The following DIAPH2 variants were observed in gnomAD, a reference collection of about 807,000 sequenced individuals.
DIAPH2 encodes protein diaphanous homolog 2.
DIAPH2 carries 35 observed loss-of-function variants against 92.7 expected under a neutral mutation model. The observed-to-expected ratio is 0.38, with a 90% confidence interval of 0.29 to 0.50. The LOEUF (loss-of-function observed/expected upper bound fraction) is 0.50. Among genes scored for constraint, DIAPH2 ranks in the 20% least tolerant of loss-of-function variants. The probability of loss-of-function intolerance (pLI) is 0.94; values close to 1 mark genes in which losing one functional copy is unlikely to be tolerated. For synonymous variants in DIAPH2, 301 were observed against 280.4 expected, an observed-to-expected ratio of 1.07 and a Z score of -0.73; for missense variants, 701 against 819.5, an observed-to-expected ratio of 0.86 and a Z score of 1.77.
In DIAPH2 at chrX:97,601,872, A is replaced by G. The variant is rs995891000; in HGVS notation, c.*2555A>G. On this transcript the variant is annotated 3_prime_UTR_variant, in exon 27 of 27. Transcript: ENST00000324765. The stretch of plus-strand genomic sequence containing the variant: ...CTCCCTCCAGAGGCTCTAGAGGAGA[A>G]TCTTTCCTTGCCACGTCCACCTTTT... 8.9e-6 allele frequency: 1 copy of G among 112,194 alleles called. No individual in the cohort carries two copies. The highest frequency in any genetic ancestry group is 1.9e-5 in the Non-Finnish European group (1 of 53,250). 9.2% of individuals were successfully genotyped at this position (112,194 alleles called of 1,213,427 possible).
chrX:97,365,699 T>A (rs1392691616), intron 24 of DIAPH2, among the ~76,000 whole-genome samples: 1 of 109,660 alleles, frequency 9.1e-6, no homozygotes, highest in Non-Finnish European at 1.9e-5. Context: ...TTTTCATTTT[T>A]TTTTTGTTTG....
chrX:97,013,134 T>G (rs926427453), intron 17 of DIAPH2, among the ~76,000 whole-genome samples: 1 of 112,199 alleles, frequency 8.9e-6, no homozygotes, highest in Admixed American at 9.5e-5. Flanking sequence ...ATTCAGTAAT[T>G]AGGATTTCTT....
intron 1 of DIAPH2, among the ~76,000 whole-genome samples, chrX:96,691,982 C>T (rs762980173): frequency 8.9e-6 from 1 of 112,206 alleles, no homozygotes; most frequent in East Asian, 2.8e-4. Flanking sequence ...CATAGACATC[C>T]AGGCTTTAAA....
chrX:97,073,114 A>G, intron 18 of DIAPH2, 72 bp downstream of exon 18: 1 of 695,896 alleles, frequency 1.4e-6, no homozygotes, highest in Non-Finnish European at 2.2e-6. Flanking sequence ...AATGTATTTA[A>G]TGAAAGTTGT....
intron 26 of DIAPH2, among the ~76,000 whole-genome samples, chrX:97,463,143 A>G (rs1207001177): frequency 9.1e-6 from 1 of 110,317 alleles, no homozygotes; most frequent in African/African-American, 3.3e-5. Flanking sequence ...TCACATCATG[A>G]GTTCATGGGC....
chrX:97,042,720 TTCTTA>T (rs1389614571), intron 17 of DIAPH2, among the ~76,000 whole-genome samples: 1 of 112,236 alleles, frequency 8.9e-6, no homozygotes, highest in Non-Finnish European at 1.9e-5. Context: ...CTATTGCTTC[TTCTTA>T]TCTTGTTTAT....
chrX:96,703,170 A>G (rs1247575491), intron 1 of DIAPH2, among the ~76,000 whole-genome samples: 1 of 111,777 alleles, frequency 8.9e-6, no homozygotes, highest in Non-Finnish European at 1.9e-5. Flanking sequence ...TGATTACATA[A>G]GCATTCAGTG....
intron 17 of DIAPH2, among the ~76,000 whole-genome samples, chrX:96,985,441 T>C (rs2066024626): frequency 9.0e-6 from 1 of 111,011 alleles, no homozygotes; most frequent in Non-Finnish European, 1.9e-5. Flanking sequence ...TTGCTGCTGC[T>C]GTTTTAACCC....
intron 17 of DIAPH2, among the ~76,000 whole-genome samples, chrX:97,006,002 TGTTTTC>T (rs1329489247): frequency 3.7e-5 from 4 of 108,635 alleles, no homozygotes; most frequent in Non-Finnish European, 7.6e-5. Context: ...TGGTATGATG[TGTTTTC>T]ATTTTCATTT....
rs1035315210 is a variant in DIAPH2 at position 96,964,978 on chromosome X, C to G, written c.1936-115C>G. Reference sequence around the variant, plus strand: ...TTATTTAGATACATCCTGAAATTGACTTAGAGGATAGAGGAATAAAGGAAC... The same window carrying G: ...TTATTTAGATACATCCTGAAATTGAGTTAGAGGATAGAGGAATAAAGGAAC... On this transcript the variant is annotated intron_variant, in intron 16 of 26. Coordinates refer to ENST00000324765, the MANE Select transcript of DIAPH2 (RefSeq NM_006729.5). 4.1e-6 allele frequency: 3 copies of G among 736,248 alleles called. No homozygotes were observed. In the African/African-American group the frequency reaches 6.7e-5, roughly 16 times the overall value. The allele number at this position is 736,248 out of a possible 1,213,427, so 60.7% of individuals were successfully genotyped here.
chrX:97,455,213 A>G (rs2070393786), intron 26 of DIAPH2, among the ~76,000 whole-genome samples: 1 of 112,008 alleles, frequency 8.9e-6, no homozygotes, highest in African/African-American at 3.2e-5. Flanking sequence ...TAGCTTTTCT[A>G]TTTTAAAATG....
chrX:96,729,238 C>T (rs184596065), intron 1 of DIAPH2, among the ~76,000 whole-genome samples: 14 of 111,887 alleles, frequency 1.3e-4, no homozygotes, highest in East Asian at 2.8e-4. Flanking sequence ...GAATAAGAGG[C>T]GGTTCCCAGC....
chrX:96,974,237 GTGGCGTAGGTGGCAAGGAAACTTCACGC>G (rs1252305667), intron 17 of DIAPH2, among the ~76,000 whole-genome samples: 1 of 112,149 alleles, frequency 8.9e-6, no homozygotes, highest in Non-Finnish European at 1.9e-5. Flanking sequence ...AAGAGACTTT[GTGGCGTAGGTGGCAAGGAAACTTCACGC>G]TGAAGAATTA....
intron 17 of DIAPH2, among the ~76,000 whole-genome samples, chrX:97,043,837 C>T (rs2147888350): frequency 8.9e-6 from 1 of 112,209 alleles, no homozygotes; most frequent in East Asian, 2.8e-4. Flanking sequence ...TTTGTAAATA[C>T]AACTTGCTGA....
chrX:97,397,805 C>A (rs1458529568), intron 25 of DIAPH2, among the ~76,000 whole-genome samples: 2 of 112,260 alleles, frequency 1.8e-5, no homozygotes, highest in Non-Finnish European at 3.8e-5. Context: ...TGAGTCACTA[C>A]CTTGTCTGAT....
chrX:96,888,769 G>A (rs1298999244), intron 5 of DIAPH2, among the ~76,000 whole-genome samples: 1 of 107,658 alleles, frequency 9.3e-6, no homozygotes, highest in African/African-American at 3.4e-5. Flanking sequence ...CAGGATAACA[G>A]TATTGTTCGT....
chrX:97,296,938 C>T lies in DIAPH2; in HGVS notation c.2844+49099C>T, dbSNP rs780389772. On this transcript the variant is annotated intron_variant, in intron 23 of 26. Coordinates refer to ENST00000324765, the MANE Select transcript of DIAPH2 (RefSeq NM_006729.5). ...GATTACAGGCATGCGCCACCACGCC[C>T]GGCTAATTTTGTATTTTTAGTAGAG... Among the ~76,000 whole-genome samples, 18 of 110,142 alleles carry T rather than the reference C, an allele frequency of 1.6e-4. No homozygotes were observed. In the South Asian group the frequency reaches 5.9e-3, roughly 36 times the overall value.
chrX:97,051,789 G>A (rs1192549372), intron 17 of DIAPH2, among the ~76,000 whole-genome samples: 2 of 111,530 alleles, frequency 1.8e-5, no homozygotes, highest in Admixed American at 1.9e-4. Context: ...TCTGAGATGA[G>A]ACAACATGTG....
chrX:97,130,011 TAACAC>T (rs942436957), intron 21 of DIAPH2, among the ~76,000 whole-genome samples: 1 of 111,905 alleles, frequency 8.9e-6, no homozygotes. Context: ...AAAAGATACT[TAACAC>T]CACTAATCAT....
Sources: gnomAD v4.1 joint callset for allele counts (sites outside exome capture counted in the v4.1 genomes callset) on GRCh38, gnomAD v4.1.1 for gene constraint, MANE v1.5 for transcripts, NCBI Gene and HGNC (gene_info 2026-07-23, HGNC 2026-07-21) for gene names.